The following NCOA3 variants were observed in gnomAD, a reference collection of about 807,000 sequenced individuals.
NCOA3 encodes the protein CBP-interacting protein.
Under a neutral mutation model 158.8 loss-of-function variants are expected in NCOA3, and 51 were observed. The observed-to-expected ratio is 0.32, with a 90% CI of 0.26 to 0.41. NCOA3 has a LOEUF of 0.41. Among genes scored for constraint, NCOA3 ranks in the 10% least tolerant of loss-of-function variants. NCOA3 has a pLI of 1.00. For missense variants in NCOA3, 1,510 were observed against 1,746.6 expected, an observed-to-expected ratio of 0.86 and a Z score of 2.41; for synonymous variants, 537 against 592.4, an observed-to-expected ratio of 0.91 and a Z score of 1.36.
At chr20:47,604,346 C>G (rs1287386856) in intron 2 of NCOA3, among the ~76,000 whole-genome samples, 4 of 152,082 alleles carry the variant, frequency 2.6e-5, no homozygotes, top group Non-Finnish European at 5.9e-5. Flanking sequence ...TGTTCTTTTC[C>G]CCTCTTCACT....
chr20:47,608,098 GTCA>G (rs2085977104), intron 2 of NCOA3, among the ~76,000 whole-genome samples: 2 of 152,148 alleles, frequency 1.3e-5, no homozygotes, highest in Non-Finnish European at 2.9e-5. Flanking sequence ...ATCACCTGAG[GTCA>G]GGAGTTTGAG....
intron 1 of NCOA3, among the ~76,000 whole-genome samples, chr20:47,569,330 G>C (rs2085252703): frequency 6.6e-6 from 1 of 152,030 alleles, no homozygotes; most frequent in South Asian, 2.1e-4. Context: ...CTGGGCAACA[G>C]AGCCAGACCC....
chr20:47,586,940 T>C (rs2085544958), intron 2 of NCOA3, among the ~76,000 whole-genome samples: 1 of 152,240 alleles, frequency 6.6e-6, no homozygotes, highest in East Asian at 1.9e-4. Context: ...GCCAGATTTC[T>C]CCACCATTTG....
chr20:47,526,210 G>A (rs1208977600), intron 1 of NCOA3, among the ~76,000 whole-genome samples: 9 of 151,680 alleles, frequency 5.9e-5, no homozygotes, highest in Non-Finnish European at 1.0e-4. Context: ...GATGGCGGCC[G>A]GGAAGAGGCG....
intron 2 of NCOA3, among the ~76,000 whole-genome samples, chr20:47,609,048 G>A (rs6066407): frequency 0.068 from 10,347 of 152,180 alleles, 453 homozygotes; most frequent in Non-Finnish European, 0.097. Flanking sequence ...TAACATTATA[G>A]GATATGTCTG....
In NCOA3 at chr20:47,639,950, G is replaced by A. The variant is rs766382959; in HGVS notation, c.2979G>A (p.Met993Ile). The change falls in exon 16 of 23, where the codon ATG becomes ATA. Residue 993 changes from methionine to isoleucine, a missense_variant. Physicochemically the swap from Met to Ile is conservative, Grantham distance 10 (BLOSUM62 1). This residue lies in a region of NCOA3 where 1,017 missense variants were observed against 1,098.3 expected (regional missense o/e 0.93). Transcript: ENST00000371998. ...QMRPGEIPMG[M>I]GANPYGQAAA... Reference sequence around the variant, plus strand: ...GGCCTGGTGAAATCCCCATGGGAATGGGGGCTAATCCCTATGGCCAAGCAG... The same window carrying A: ...GGCCTGGTGAAATCCCCATGGGAATAGGGGCTAATCCCTATGGCCAAGCAG... 6.2e-7 allele frequency: 1 copy of A among 1,614,162 alleles called. No homozygotes were observed. Among genetic ancestry groups the A allele is most frequent in the South Asian group, 1.1e-5 (1 of 91,078 alleles).
chr20:47,520,031 G>A (rs1215898146), intron 1 of NCOA3, among the ~76,000 whole-genome samples: 1 of 139,874 alleles, frequency 7.1e-6, no homozygotes, highest in Non-Finnish European at 1.5e-5. Flanking sequence ...CAATGTGCTG[G>A]GATTACAGGT....
intron 1 of NCOA3, among the ~76,000 whole-genome samples, chr20:47,521,516 A>G (rs528869612): frequency 2.0e-5 from 3 of 152,236 alleles, no homozygotes; most frequent in African/African-American, 7.2e-5. Flanking sequence ...TAGACTGCAC[A>G]GGCTAAGCTA....
chr20:47,529,853 CAG>C (rs2146103782), intron 1 of NCOA3, among the ~76,000 whole-genome samples: 1 of 152,332 alleles, frequency 6.6e-6, no homozygotes, highest in South Asian at 2.1e-4. Flanking sequence ...TAAAAAGAAA[CAG>C]TGGAAATTTC....
intron 2 of NCOA3, among the ~76,000 whole-genome samples, chr20:47,604,920 G>A (rs369430195): frequency 1.3e-5 from 2 of 152,140 alleles, no homozygotes; most frequent in African/African-American, 4.8e-5. Context: ...AGGCTGGAGT[G>A]CAGTGGCGAG....
chr20:47,607,991 T>C (rs1015451894), intron 2 of NCOA3, among the ~76,000 whole-genome samples: 1 of 152,184 alleles, frequency 6.6e-6, no homozygotes, highest in Admixed American at 6.5e-5. Context: ...AAAATTGTTA[T>C]TTATGTTAAT....
chr20:47,537,325 G>T (rs767961116), intron 1 of NCOA3, among the ~76,000 whole-genome samples: 26 of 151,388 alleles, frequency 1.7e-4, no homozygotes, highest in Non-Finnish European at 3.2e-4. Flanking sequence ...GAAGTAAATT[G>T]AGTGTAATTT....
intron 1 of NCOA3, among the ~76,000 whole-genome samples, chr20:47,517,824 A>C (rs1163805081): frequency 6.6e-6 from 1 of 152,148 alleles, no homozygotes; most frequent in East Asian, 1.9e-4. Context: ...ATTACTTAGC[A>C]CAATTCTTTG....
At chr20:47,508,318 A>C (rs2084061168) in intron 1 of NCOA3, among the ~76,000 whole-genome samples, 1 of 152,200 alleles carries the variant, frequency 6.6e-6, no homozygotes, top group Non-Finnish European at 1.5e-5. Flanking sequence ...ACATTTTTGA[A>C]GTCATTCTTT....
intron 1 of NCOA3, among the ~76,000 whole-genome samples, chr20:47,560,234 C>T (rs756738779): frequency 2.6e-5 from 4 of 152,142 alleles, no homozygotes; most frequent in Non-Finnish European, 5.9e-5. Flanking sequence ...TGTGCGCTAT[C>T]ATGGCCGGCT....
At position 47,639,646 on chromosome 20, in the gene NCOA3, A is replaced by T. The variant is rs903836260; in HGVS notation, c.2777A>T (p.Lys926Met). The T allele has an allele frequency of 1.2e-6, 2 of 1,613,834 alleles. No individual in the cohort carries two copies. The highest frequency in any genetic ancestry group is 2.7e-5 in the African/African-American group (2 of 74,922). The change falls in exon 15 of 23, where the codon AAG becomes ATG. Residue 926 changes from lysine (K) to methionine (M), a missense_variant. Physicochemically the swap from Lys to Met is moderately conservative, Grantham distance 95 (BLOSUM62 -1). Transcript: ENST00000371998. The part of the protein sequence containing the change: ...SSGDWGLPNS[K>M]AGRMEPMNSN... ...GGAGACTGGGGCTTACCAAACTCAA[A>T]GGCCGGCAGAATGGAACCTATGAAT...
chr20:47,607,410 A>G (rs919936840), intron 2 of NCOA3, among the ~76,000 whole-genome samples: 1 of 152,234 alleles, frequency 6.6e-6, no homozygotes, highest in East Asian at 1.9e-4. Flanking sequence ...TTAAATCTGT[A>G]TAACAAGCCT....
chr20:47,566,701 A>T (rs2085200603), intron 1 of NCOA3, among the ~76,000 whole-genome samples: 1 of 151,920 alleles, frequency 6.6e-6, no homozygotes, highest in South Asian at 2.1e-4. Context: ...TTGCAGAGAC[A>T]GGTTTTGCCG....
At chr20:47,505,871 G>A (rs1244241487) in intron 1 of NCOA3, among the ~76,000 whole-genome samples, 2 of 143,668 alleles carry the variant, frequency 1.4e-5, no homozygotes, top group African/African-American at 2.6e-5. Context: ...GCATGATCTC[G>A]GCTCACTGCA....
Sources: gnomAD v4.1 joint callset for allele counts (sites outside exome capture counted in the v4.1 genomes callset) on GRCh38, gnomAD v4.1.1 for gene constraint, gnomAD v4.1.1 regional missense constraint, MANE v1.5 for transcripts, NCBI Gene and HGNC (gene_info 2026-07-23, HGNC 2026-07-21) for gene names.